The following PALM2AKAP2 variants were observed in gnomAD, a reference collection of about 807,000 sequenced individuals.
PALM2AKAP2 encodes the protein PALM2 and AKAP2 fusion, also known as PALM2-AKAP2 fusion protein.
A neutral mutation model predicts 71.5 loss-of-function variants in PALM2AKAP2; 37 were observed. That is an observed-to-expected ratio of 0.52 (90% CI 0.40 to 0.68). The LOEUF (loss-of-function observed/expected upper bound fraction) is 0.68. Ranked by LOEUF, PALM2AKAP2 falls within the 30% of genes least tolerant of loss-of-function variation. PALM2AKAP2 has a pLI of 0.00. For synonymous variants in PALM2AKAP2, 468 were observed against 478.8 expected (o/e 0.98, Z 0.29); for missense variants, 1,224 against 1,191.8 (o/e 1.03, Z -0.40).
intron 1 of PALM2AKAP2, among the ~76,000 whole-genome samples, chr9:109,859,074 A>T (rs1229476804): frequency 6.6e-6 from 1 of 152,198 alleles, no homozygotes; most frequent in East Asian, 1.9e-4. Context: ...GGTGAAATTA[A>T]TGATAATATT....
intron 1 of PALM2AKAP2, among the ~76,000 whole-genome samples, chr9:109,781,988 G>A (rs967573513): frequency 7.2e-5 from 11 of 152,204 alleles, no homozygotes; most frequent in Admixed American, 4.6e-4. Flanking sequence ...ATAATAGGCT[G>A]CTTTAACTGT....
intron 1 of PALM2AKAP2, among the ~76,000 whole-genome samples, chr9:109,804,278 T>C (rs535671994): frequency 2.6e-5 from 4 of 152,338 alleles, no homozygotes; most frequent in African/African-American, 9.6e-5. Context: ...GCATGGCATC[T>C]TGGTGGGTCA....
Position 109,725,990 on chromosome 9 carries a change from T to A in PALM2AKAP2, c.6-54498T>A, listed in dbSNP as rs182571633. ...GCACGTAGTGCCTCATATGCCTGCA[T>A]TTAATCTGCCCCCATGTTTTCAATT... is the stretch of plus-strand genomic sequence containing the variant. On this transcript the variant is annotated intron_variant, in intron 1 of 6. Transcript: ENST00000374531. Among the ~76,000 whole-genome samples, 6 of 152,338 alleles carry A rather than the reference T, an allele frequency of 3.9e-5. No individual in the cohort carries two copies. The East Asian group carries it at 1.2e-3, about 29-fold the overall frequency.
rs143259127 is a variant in PALM2AKAP2 at position 109,704,954 on chromosome 9, G to T, written c.5+64088G>T. 4.6e-5 allele frequency among the ~76,000 whole-genome samples: 7 copies of T among 152,262 alleles called. No individual in the cohort carries two copies. The East Asian group carries it at 1.4e-3, about 29-fold the overall frequency. On this transcript the variant is annotated intron_variant, in intron 1 of 6. Transcript: ENST00000374531. ...AACATGTGTGAGAACGTAGGTGTGG[G>T]CATCAGATGGAACTCAGCACTCACC...
At chr9:109,689,084 G>A (rs10816856) in intron 1 of PALM2AKAP2, among the ~76,000 whole-genome samples, 26,590 of 152,060 alleles carry the variant, frequency 0.17, 2,421 homozygotes, top group East Asian at 0.28. Flanking sequence ...CCATAAGAGG[G>A]CTAGTGGTAA....
chr9:109,761,291 A>G (rs1454113601), intron 1 of PALM2AKAP2, among the ~76,000 whole-genome samples: 4 of 152,242 alleles, frequency 2.6e-5, no homozygotes, highest in Admixed American at 6.5e-5. Flanking sequence ...AAGGCAGATG[A>G]ATAGGTCAGG....
chr9:109,853,199 G>T (rs1181730800), intron 1 of PALM2AKAP2, among the ~76,000 whole-genome samples: 1 of 152,108 alleles, frequency 6.6e-6, no homozygotes, highest in Non-Finnish European at 1.5e-5. Flanking sequence ...TGATGAGGTA[G>T]TTCATTTAAA....
chr9:109,703,374 T>C (rs1828093676), intron 1 of PALM2AKAP2, among the ~76,000 whole-genome samples: 1 of 152,206 alleles, frequency 6.6e-6, no homozygotes, highest in Non-Finnish European at 1.5e-5. Context: ...AAGTTTTCTA[T>C]ATATAAGATC....
chr9:109,682,841 C>T (rs958011986), intron 1 of PALM2AKAP2, among the ~76,000 whole-genome samples: 1 of 152,062 alleles, frequency 6.6e-6, no homozygotes, highest in African/African-American at 2.4e-5. Flanking sequence ...AATAGTGGCC[C>T]TCCAAAAAAC....
chr9:109,919,735 ATGTGTGTGTGTG>A (rs1163749906), intron 3 of PALM2AKAP2, among the ~76,000 whole-genome samples: 1 of 142,962 alleles, frequency 7.0e-6, no homozygotes, highest in South Asian at 2.3e-4. Context: ...GTGTATACAT[ATGTGTGTGTGTG>A]TGTGTGTGTG....
At chr9:110,083,811 G>T (rs1445482923) in intron 1 of PALM2AKAP2, among the ~76,000 whole-genome samples, 1 of 152,188 alleles carries the variant, frequency 6.6e-6, no homozygotes, top group African/African-American at 2.4e-5. Context: ...TTTAAAACTA[G>T]AATTGTATAT....
chr9:109,905,067 T>C lies in PALM2AKAP2; in HGVS notation c.258-18668T>C, dbSNP rs541560141. ...AGGAAAATTCTACCCTCACAGAACA[T>C]TTTGGATTTGAAAACTGAGAAATCT... On this transcript the variant is annotated intron_variant, in intron 3 of 9. Coordinates refer to the PALM2AKAP2 transcript ENST00000302798. Among the ~76,000 whole-genome samples the C allele has an allele frequency of 3.9e-5, 6 of 152,308 alleles. No individual in the cohort carries two copies. In the South Asian group the frequency reaches 1.2e-3, roughly 32 times the overall value.
chr9:110,030,414 T>G (rs1463642660), intron 7 of PALM2AKAP2, among the ~76,000 whole-genome samples: 1 of 152,086 alleles, frequency 6.6e-6, no homozygotes, highest in Non-Finnish European at 1.5e-5. Flanking sequence ...CTCTGGAGGG[T>G]AAGATTTTAG....
intron 1 of PALM2AKAP2, among the ~76,000 whole-genome samples, chr9:110,082,738 G>A (rs1834477042): frequency 6.6e-6 from 1 of 152,180 alleles, no homozygotes; most frequent in Admixed American, 6.5e-5. Context: ...ACCATGTTAA[G>A]GTATACAGTT....
At chr9:109,763,238 A>T (rs188779624) in intron 1 of PALM2AKAP2, among the ~76,000 whole-genome samples, 62 of 152,252 alleles carry the variant, frequency 4.1e-4, no homozygotes, top group Non-Finnish European at 6.3e-4. Flanking sequence ...GAAACCCAGA[A>T]GGCTGGCCTC....
chr9:110,135,150 T>TATAAAAA (rs1337195214), intron 1 of PALM2AKAP2, among the ~76,000 whole-genome samples: 2 of 48,428 alleles, frequency 4.1e-5, no homozygotes, highest in Non-Finnish European at 3.8e-5. Context: ...ACTCTGTCTC[T>TATAAAAA]ACAAAAAAAA....
chr9:109,969,582 C>G lies in PALM2AKAP2; in HGVS notation c.496+37554C>G, dbSNP rs148980431. 2.8e-3 allele frequency among the ~76,000 whole-genome samples: 430 copies of G among 152,368 alleles called. 1 individual carries two copies. Among genetic ancestry groups the G allele is most frequent in the Admixed American group, 6.1e-3 (94 of 15,310 alleles). On this transcript the variant is annotated intron_variant, in intron 6 of 9. Transcript: ENST00000302798. ...GGTCATGCAAAGGTGACATGCTCAT[C>G]TTGGGGAAGGCCCATCATCACTGGT... is the stretch of plus-strand genomic sequence containing the variant.
chr9:110,127,624 T>C (rs1835639737), intron 1 of PALM2AKAP2: 2 of 152,204 alleles, frequency 1.3e-5, no homozygotes, highest in Admixed American at 1.3e-4. Flanking sequence ...TTCCCAGACT[T>C]TCCTGCTGTC....
chr9:110,171,773 T>A (rs935719750), exon 4 of PALM2AKAP2: 2 of 152,538 alleles, frequency 1.3e-5, no homozygotes, highest in African/African-American at 4.8e-5. Flanking sequence ...TTACAAAATG[T>A]TTAGATTCTG....
Sources: allele counts gnomAD v4.1 joint callset (sites outside exome capture counted in the v4.1 genomes callset), GRCh38; gene constraint gnomAD v4.1.1; transcripts MANE v1.5; gene names NCBI Gene and HGNC (gene_info 2026-07-23, HGNC 2026-07-21).